The following GNA14 variants were observed in gnomAD, a reference collection of about 807,000 sequenced individuals.
GNA14 encodes the protein guanine nucleotide-binding protein subunit alpha-14.
In GNA14, 50 loss-of-function variants were observed where a neutral mutation model predicts 42.0. The ratio of observed to expected loss-of-function variants is 1.19; its 90% confidence interval spans 0.95 to 1.51. The LOEUF (loss-of-function observed/expected upper bound fraction) is 1.51. Ranked by LOEUF, GNA14 falls within the 40% of genes most tolerant of loss-of-function variation. The pLI, the probability that GNA14 is intolerant of heterozygous loss-of-function variation, is 0.00. For missense variants in GNA14, 473 were observed against 446.2 expected (o/e 1.06, Z -0.54); for synonymous variants, 173 against 163.1 (o/e 1.06, Z -0.46).
chr9:77,542,618 T>G (rs1837674126), intron 1 of GNA14, among the ~76,000 whole-genome samples: 1 of 152,032 alleles, frequency 6.6e-6, no homozygotes, highest in African/African-American at 2.4e-5. Flanking sequence ...GCAGTAGCAG[T>G]GATGGGGCAG....
intron 2 of GNA14, among the ~76,000 whole-genome samples, chr9:77,523,809 T>C (rs1275782045): frequency 1.3e-5 from 2 of 152,338 alleles, no homozygotes; most frequent in East Asian, 3.9e-4. Context: ...GTTTTTGAGA[T>C]GTCAGGTAGG....
intron 5 of GNA14, among the ~76,000 whole-genome samples, chr9:77,427,047 T>C (rs1835463364): frequency 1.3e-5 from 2 of 152,236 alleles, no homozygotes; most frequent in Middle Eastern, 3.4e-3. Flanking sequence ...TCCAAGGAAA[T>C]AAAATATATG....
At chr9:77,604,266 G>A (rs1164400857) in intron 1 of GNA14, among the ~76,000 whole-genome samples, 1 of 152,144 alleles carries the variant, frequency 6.6e-6, no homozygotes, top group East Asian at 1.9e-4. Flanking sequence ...AGGTCTCACA[G>A]ACTGACAGTC....
intron 2 of GNA14, among the ~76,000 whole-genome samples, chr9:77,454,158 G>T (rs1835959957): frequency 1.3e-5 from 2 of 152,102 alleles, no homozygotes; most frequent in Non-Finnish European, 2.9e-5. Context: ...CACACCCCCG[G>T]CTCCCCTCTT....
At chr9:77,561,343 T>C (rs1822879358) in intron 1 of GNA14, among the ~76,000 whole-genome samples, 1 of 152,050 alleles carries the variant, frequency 6.6e-6, no homozygotes, top group Non-Finnish European at 1.5e-5. Flanking sequence ...AATCCATCTT[T>C]AGAGGCCGAA....
chr9:77,507,285 CCA>C (rs1241696008), intron 2 of GNA14, among the ~76,000 whole-genome samples: 1 of 152,102 alleles, frequency 6.6e-6, no homozygotes, highest in Non-Finnish European at 1.5e-5. Flanking sequence ...ATATGCTTAC[CCA>C]ATTCCTACAT....
At chr9:77,632,102 G>T (rs1824108337) in intron 1 of GNA14, among the ~76,000 whole-genome samples, 1 of 152,154 alleles carries the variant, frequency 6.6e-6, no homozygotes, top group Non-Finnish European at 1.5e-5. Flanking sequence ...GCCCAGGAAG[G>T]CCCCCACTGC....
intron 1 of GNA14, among the ~76,000 whole-genome samples, chr9:77,637,279 C>T (rs905473822): frequency 6.6e-6 from 1 of 151,966 alleles, no homozygotes; most frequent in African/African-American, 2.4e-5. Flanking sequence ...TTTTTTGTTC[C>T]ACAATTCCAA....
At chr9:77,448,232 A>C (rs2131701805) in intron 2 of GNA14, among the ~76,000 whole-genome samples, 1 of 152,298 alleles carries the variant, frequency 6.6e-6, no homozygotes, top group East Asian at 1.9e-4. Flanking sequence ...TTTACAGAAA[A>C]TGTTTGCTGA....
At chr9:77,626,023 A>C (rs1205451407) in intron 1 of GNA14, among the ~76,000 whole-genome samples, 2 of 151,866 alleles carry the variant, frequency 1.3e-5, no homozygotes, top group East Asian at 3.9e-4. Context: ...TAGGCTCAAA[A>C]TAAAGGGATG....
intron 1 of GNA14, among the ~76,000 whole-genome samples, chr9:77,605,031 CTT>C (rs1823627008): frequency 6.6e-6 from 1 of 152,256 alleles, no homozygotes; most frequent in Non-Finnish European, 1.5e-5. Context: ...ATAGCAGACT[CTT>C]TGCCTTCATG....
intron 2 of GNA14, among the ~76,000 whole-genome samples, chr9:77,516,460 C>G (rs1049967794): frequency 6.6e-6 from 1 of 152,148 alleles, no homozygotes. Flanking sequence ...GGCATGGTGG[C>G]TCACACCTGT....
chr9:77,437,829 G>A (rs185742192), intron 2 of GNA14, among the ~76,000 whole-genome samples: 32 of 152,268 alleles, frequency 2.1e-4, no homozygotes, highest in African/African-American at 7.5e-4. Context: ...GCACGAGTGA[G>A]CAATCAACTC....
In GNA14 at chr9:77,607,333, T is replaced by C. The variant is rs143821923; in HGVS notation, c.124+40337A>G. ...AGAAATCAGAATAAGTGATTGCTGATGAATCCTAAAAGAAGAAGCCACCAT... is the reference window on the plus strand; with the variant it reads ...AGAAATCAGAATAAGTGATTGCTGACGAATCCTAAAAGAAGAAGCCACCAT... On this transcript the variant is annotated intron_variant, in intron 1 of 6. Transcript: ENST00000341700. Among the ~76,000 whole-genome samples, 3 of 152,250 alleles carry C rather than the reference T, an allele frequency of 2.0e-5. No individual in the cohort carries two copies. The East Asian group carries it at 5.8e-4, about 29-fold the overall frequency.
chr9:77,497,067 T>C (rs946571337), intron 2 of GNA14, among the ~76,000 whole-genome samples: 3 of 152,184 alleles, frequency 2.0e-5, no homozygotes, highest in African/African-American at 7.2e-5. Flanking sequence ...ATTTGGAATC[T>C]GTATCCTCTA....
At chr9:77,489,848 A>G (rs1312538811) in intron 2 of GNA14, among the ~76,000 whole-genome samples, 1 of 152,200 alleles carries the variant, frequency 6.6e-6, no homozygotes, top group African/African-American at 2.4e-5. Context: ...AGTGAGCAGT[A>G]GCAAGATTTA....
At chr9:77,554,285 TTA>T (rs1406268073) in intron 1 of GNA14, among the ~76,000 whole-genome samples, 1 of 152,242 alleles carries the variant, frequency 6.6e-6, no homozygotes, top group Non-Finnish European at 1.5e-5. Flanking sequence ...TAAGTTGGAA[TTA>T]TAGTCACCAA....
chr9:77,424,992 T>C lies in GNA14; in HGVS notation c.877+570A>G, dbSNP rs148806678. On this transcript the variant is annotated intron_variant, in intron 6 of 6. Coordinates refer to ENST00000341700, the MANE Select transcript of GNA14 (RefSeq NM_004297.4). ...TTAGCAACAGGGCATGAGACTCTCC[T>C]ACCTTGGACAGGTTATGTGAGTCCA... 1.1e-4 allele frequency among the ~76,000 whole-genome samples: 16 copies of C among 152,294 alleles called. No homozygotes were observed. In the East Asian group the frequency reaches 3.1e-3, roughly 29 times the overall value.
intron 4 of GNA14, among the ~76,000 whole-genome samples, chr9:77,431,109 A>G (rs1835545226): frequency 6.6e-6 from 1 of 151,626 alleles, no homozygotes; most frequent in Non-Finnish European, 1.5e-5. Context: ...TCCAGTAAGG[A>G]AACCCTTTTT....
Sources: gnomAD v4.1 joint callset for allele counts (sites outside exome capture counted in the v4.1 genomes callset) on GRCh38, gnomAD v4.1.1 for gene constraint, MANE v1.5 for transcripts, NCBI Gene and HGNC (gene_info 2026-07-23, HGNC 2026-07-21) for gene names.